SLC39A12: variants seen among roughly 807,000 people sequenced by gnomAD.
The protein encoded by SLC39A12 is solute carrier family 39 member 12.
In SLC39A12, 63 loss-of-function variants were observed where a neutral mutation model predicts 71.1. That is an observed-to-expected ratio of 0.89 (90% CI 0.72 to 1.09). The LOEUF (loss-of-function observed/expected upper bound fraction) is 1.09. SLC39A12 is among the 50% of genes least tolerant of loss of function. The pLI, the probability that SLC39A12 is intolerant of heterozygous loss-of-function variation, is 0.00. For missense variants in SLC39A12, 892 were observed against 812.6 expected (o/e 1.10, Z -1.19); for synonymous variants, 351 against 301.3 (o/e 1.16, Z -1.71).
At chr10:18,001,281 G>A (rs1329514817) in intron 11 of SLC39A12, among the ~76,000 whole-genome samples, 1 of 152,156 alleles carries the variant, frequency 6.6e-6, no homozygotes, top group Non-Finnish European at 1.5e-5. Context: ...TTGGGAGGCC[G>A]AGGCATGTGG....
intron 4 of SLC39A12, among the ~76,000 whole-genome samples, chr10:17,970,836 A>G (rs866430998): frequency 1.1e-4 from 16 of 152,138 alleles, no homozygotes; most frequent in Middle Eastern, 6.8e-3. Flanking sequence ...GTCCAGTACT[A>G]TGTTTAATAA....
At chr10:17,958,939 C>A (rs1357413748) in intron 2 of SLC39A12, among the ~76,000 whole-genome samples, 1 of 151,962 alleles carries the variant, frequency 6.6e-6, no homozygotes, top group Non-Finnish European at 1.5e-5. Flanking sequence ...TTAAAAAATT[C>A]ATTACTTTAT....
intron 12 of SLC39A12, among the ~76,000 whole-genome samples, chr10:18,017,913 C>G (rs1371236945): frequency 1.3e-5 from 2 of 152,018 alleles, no homozygotes; most frequent in Non-Finnish European, 2.9e-5. Flanking sequence ...TTGTTGATAC[C>G]CATTAAATAA....
At chr10:18,037,232 T>A (rs1837077928) in intron 12 of SLC39A12, among the ~76,000 whole-genome samples, 1 of 152,228 alleles carries the variant, frequency 6.6e-6, no homozygotes, top group African/African-American at 2.4e-5. Context: ...AAGTGTTGAT[T>A]ATTGATAATT....
At chr10:18,011,500 G>C (rs961122211) in intron 12 of SLC39A12, among the ~76,000 whole-genome samples, 6 of 152,188 alleles carry the variant, frequency 3.9e-5, no homozygotes, top group Non-Finnish European at 8.8e-5. Flanking sequence ...TTATTGGTTA[G>C]GCTTCTGGCC....
intron 12 of SLC39A12, chr10:18,005,623 C>A (rs898237000): frequency 4.6e-5 from 7 of 152,168 alleles, no homozygotes; most frequent in African/African-American, 1.7e-4. Context: ...TGTCTACTCT[C>A]CCAGAATTGA....
At position 17,982,802 on chromosome 10, in the gene SLC39A12, C is replaced by T. The variant is rs1430591827; in HGVS notation, c.1096+1319C>T. Among the ~76,000 whole-genome samples, 7 of 151,918 alleles carry T rather than the reference C, an allele frequency of 4.6e-5. No individual in the cohort carries two copies. In the East Asian group the frequency reaches 5.8e-4, roughly 13 times the overall value. ...GAAAAGGGTTTTGAAATTAAGGCCT[C>T]GGAAAAAAATTGTGTCTCCTCTCGA... On this transcript the variant is annotated intron_variant, in intron 6 of 12. Coordinates refer to ENST00000377369, the MANE Select transcript of SLC39A12 (RefSeq NM_001145195.2).
At chr10:17,994,875 A>G (rs1444811438) in intron 9 of SLC39A12, among the ~76,000 whole-genome samples, 1 of 152,250 alleles carries the variant, frequency 6.6e-6, no homozygotes, top group African/African-American at 2.4e-5. Flanking sequence ...TTTGGGAGAT[A>G]GACTTCTATG....
At chr10:18,028,125 A>G (rs1437432498) in intron 12 of SLC39A12, among the ~76,000 whole-genome samples, 1 of 152,242 alleles carries the variant, frequency 6.6e-6, no homozygotes, top group Non-Finnish European at 1.5e-5. Context: ...AACTTTATGA[A>G]TGGAGAAGCA....
chr10:17,975,838 G>A (rs1225356931), intron 4 of SLC39A12, among the ~76,000 whole-genome samples: 3 of 152,190 alleles, frequency 2.0e-5, no homozygotes, highest in Non-Finnish European at 4.4e-5. Context: ...GGGGAAGTCA[G>A]GTTCTAACTG....
At chr10:18,004,895 T>C (rs1194052965) in intron 12 of SLC39A12, among the ~76,000 whole-genome samples, 1 of 152,028 alleles carries the variant, frequency 6.6e-6, no homozygotes, top group East Asian at 1.9e-4. Flanking sequence ...TACGCTGCCA[T>C]AAGAAGGAAT....
chr10:18,016,273 A>C (rs1386597219), intron 12 of SLC39A12, among the ~76,000 whole-genome samples: 1 of 152,102 alleles, frequency 6.6e-6, no homozygotes, highest in Non-Finnish European at 1.5e-5. Context: ...TCAGAATGTC[A>C]TATAGTTGCA....
chr10:18,042,688 T>C lies in SLC39A12; in HGVS notation c.1948-17T>C. 6.3e-7 allele frequency: 1 copy of C among 1,598,612 alleles called. No individual in the cohort carries two copies. The highest frequency in any genetic ancestry group is 8.5e-7 in the Non-Finnish European group (1 of 1,175,528). ...AATATATCTGGATCTTATTCTGGTT[T>C]TTTATTCTTTTTTTAGCTTCCTGAA... is the stretch of plus-strand genomic sequence containing the variant. On this transcript the variant is annotated splice_polypyrimidine_tract_variant and intron_variant, in intron 12 of 12. Transcript: ENST00000377369.
At chr10:17,967,065 A>T (rs1834844604) in intron 4 of SLC39A12, among the ~76,000 whole-genome samples, 1 of 152,146 alleles carries the variant, frequency 6.6e-6, no homozygotes, top group African/African-American at 2.4e-5. Context: ...CATAAAATGC[A>T]AATTGTTGGT....
chr10:18,013,359 T>A (rs999245488), intron 12 of SLC39A12, among the ~76,000 whole-genome samples: 2 of 146,884 alleles, frequency 1.4e-5, no homozygotes, highest in African/African-American at 5.0e-5. Context: ...ATTATTATTA[T>A]TATTATTATT....
At chr10:17,970,670 TAGTTTGTG>T (rs1293769876) in intron 4 of SLC39A12, among the ~76,000 whole-genome samples, 8 of 130,070 alleles carry the variant, frequency 6.2e-5, no homozygotes, top group Non-Finnish European at 9.5e-5. Flanking sequence ...TCAGTTCTAA[TAGTTTGTG>T]TGTGTGTGTG....
At chr10:17,962,614 CA>C (rs1452142100) in intron 3 of SLC39A12, among the ~76,000 whole-genome samples, 2 of 151,420 alleles carry the variant, frequency 1.3e-5, no homozygotes, top group Non-Finnish European at 2.9e-5. Flanking sequence ...ATGGGGAAAT[CA>C]TTTTTTTTTG....
rs144713135 is a variant in SLC39A12 at position 17,975,179 on chromosome 10, A to C, written c.752-2723A>C. Among the ~76,000 whole-genome samples, 15 of 152,230 alleles carry C rather than the reference A, an allele frequency of 9.9e-5. No homozygotes were observed. The East Asian group carries it at 2.9e-3, about 29-fold the overall frequency. ...CAGGTCAGTGGGCTCCCCTAGGCCCAGGACAGGTCCAGAAATCCCATCCAA... is the reference window on the plus strand; with the variant it reads ...CAGGTCAGTGGGCTCCCCTAGGCCCCGGACAGGTCCAGAAATCCCATCCAA... On this transcript the variant is annotated intron_variant, in intron 4 of 12. Coordinates refer to ENST00000377369, the MANE Select transcript of SLC39A12 (RefSeq NM_001145195.2).
chr10:17,981,599 G>A, intron 6 of SLC39A12, 116 bp downstream of exon 6: 1 of 796,342 alleles, frequency 1.3e-6, no homozygotes, highest in Non-Finnish European at 1.9e-6. Context: ...ACATTTATCA[G>A]CTCATTTAAT....
Sources: gnomAD v4.1 joint callset for allele counts (sites outside exome capture counted in the v4.1 genomes callset) on GRCh38, gnomAD v4.1.1 for gene constraint, MANE v1.5 for transcripts, NCBI Gene and HGNC (gene_info 2026-07-23, HGNC 2026-07-21) for gene names.